The following MAP1LC3B2 variants were observed in gnomAD, a reference collection of about 807,000 sequenced individuals.
MAP1LC3B2 encodes the protein microtubule associated protein 1 light chain 3 beta 2.
For missense variants in MAP1LC3B2, 155 were observed against 154.6 expected (o/e 1.00, Z -0.01); for synonymous variants, 62 against 57.8 (o/e 1.07, Z -0.33).
rs200048902 is a variant in MAP1LC3B2 at position 116,576,054 on chromosome 12, T to A, written c.112T>A (p.Tyr38Asn). The A allele has an allele frequency of 4.3e-6, 7 of 1,614,226 alleles. No homozygotes were observed. The highest frequency in any genetic ancestry group is 5.9e-6 in the Non-Finnish European group (7 of 1,180,044). ...CAAAATCCCGGTGATAATAGAACGA[T>A]ACAAGGGTGAGAAGCAGCTTCCTGT... is the stretch of plus-strand genomic sequence containing the variant. ...PTKIPVIIERYKGEKQLPVLD... is the reference protein window; with the variant it reads ...PTKIPVIIERNKGEKQLPVLD... Residue 38 changes from tyrosine (Y) to asparagine (N), a missense_variant, in exon 2 of 2, where the codon TAC (tyrosine) becomes AAC (asparagine). Physicochemically the swap from Tyr to Asn is moderately radical, Grantham distance 143. Coordinates refer to ENST00000556529, the MANE Select transcript of MAP1LC3B2 (RefSeq NM_001085481.3).
intron 1 of MAP1LC3B2, among the ~76,000 whole-genome samples, chr12:116,563,775 C>T (rs1331048407): frequency 3.3e-5 from 5 of 152,100 alleles, no homozygotes; most frequent in Admixed American, 3.3e-4. Flanking sequence ...GCCCCTGACA[C>T]TCTGATTATT....
chr12:116,565,583 G>A (rs995877892), intron 1 of MAP1LC3B2, among the ~76,000 whole-genome samples: 7 of 152,144 alleles, frequency 4.6e-5, no homozygotes, highest in African/African-American at 9.7e-5. Context: ...ACCATATCAC[G>A]GGAGAACTAA....
intron 1 of MAP1LC3B2, among the ~76,000 whole-genome samples, chr12:116,571,892 G>GTT (rs1375306709): frequency 1.6e-5 from 2 of 123,438 alleles, no homozygotes; most frequent in African/African-American, 3.0e-5. Flanking sequence ...AGCAACTGTT[G>GTT]TTTTTTTTTT....
intron 1 of MAP1LC3B2, chr12:116,560,188 C>CCATATATATATATATATATATATATATA (rs1491120344): frequency 1.1e-5 from 1 of 88,444 alleles, no homozygotes; most frequent in African/African-American, 4.6e-5. Context: ...CTAAGTTTGG[C>CCATATATATATATATATATATATATATA]TATATATATA....
chr12:116,571,600 C>G (rs1024677749), intron 1 of MAP1LC3B2, among the ~76,000 whole-genome samples: 1 of 150,072 alleles, frequency 6.7e-6, no homozygotes, highest in Non-Finnish European at 1.5e-5. Flanking sequence ...CCTGCCTCAG[C>G]CTCCCGAGTA....
chr12:116,561,690 T>C lies in MAP1LC3B2; in HGVS notation c.-102+2257T>C, dbSNP rs556929109. Reference sequence around the variant, plus strand: ...GCCATTCACTGAGGCAGCTGGATCCTGGTTCTGCCCCTTACTAGCTGTGTG... The same window carrying C: ...GCCATTCACTGAGGCAGCTGGATCCCGGTTCTGCCCCTTACTAGCTGTGTG... On this transcript the variant is annotated intron_variant, in intron 1 of 1. Coordinates refer to ENST00000556529, the MANE Select transcript of MAP1LC3B2 (RefSeq NM_001085481.3). Among the ~76,000 whole-genome samples, 5 of 152,342 alleles carry C rather than the reference T, an allele frequency of 3.3e-5. No homozygotes were observed. In the East Asian group the frequency reaches 9.6e-4, roughly 29 times the overall value.
At chr12:116,571,915 C>G (rs1268844577) in intron 1 of MAP1LC3B2, among the ~76,000 whole-genome samples, 6 of 147,360 alleles carry the variant, frequency 4.1e-5, no homozygotes, top group Non-Finnish European at 8.9e-5. Context: ...ATGGTCATAG[C>G]TGTAGAAAAC....
intron 1 of MAP1LC3B2, among the ~76,000 whole-genome samples, chr12:116,573,557 G>A (rs766638999): frequency 5.3e-5 from 8 of 151,532 alleles, no homozygotes; most frequent in Non-Finnish European, 1.0e-4. Flanking sequence ...TCGCTCTGTC[G>A]CCAGGCTAGA....
At chr12:116,560,288 G>A (rs568771771) in intron 1 of MAP1LC3B2, among the ~76,000 whole-genome samples, 12 of 143,116 alleles carry the variant, frequency 8.4e-5, no homozygotes, top group African/African-American at 2.3e-4. Flanking sequence ...TTCCTCTGTC[G>A]CCCAGGCTGG....
At chr12:116,571,519 C>T (rs1361265288) in intron 1 of MAP1LC3B2, among the ~76,000 whole-genome samples, 6 of 106,488 alleles carry the variant, frequency 5.6e-5, no homozygotes, top group Non-Finnish European at 1.0e-4. Flanking sequence ...CTCATTCTGT[C>T]GCCCAGGCTG....
chr12:116,564,167 T>G (rs1869334371), intron 1 of MAP1LC3B2, among the ~76,000 whole-genome samples: 1 of 152,364 alleles, frequency 6.6e-6, no homozygotes, highest in Admixed American at 6.5e-5. Flanking sequence ...TAATAACTTT[T>G]AAAATCTTTG....
At chr12:116,570,284 A>G (rs1231577898) in intron 1 of MAP1LC3B2, among the ~76,000 whole-genome samples, 1 of 152,192 alleles carries the variant, frequency 6.6e-6, no homozygotes, top group Non-Finnish European at 1.5e-5. Flanking sequence ...TACTTCAAGT[A>G]CCCATACAGC....
At chr12:116,560,057 G>C (rs1453477169) in intron 1 of MAP1LC3B2, 2 of 149,248 alleles carry the variant, frequency 1.3e-5, no homozygotes, top group Non-Finnish European at 3.0e-5. Context: ...AACAATAGGA[G>C]ACACTGTCAA....
At chr12:116,572,025 G>A (rs12306090) in intron 1 of MAP1LC3B2, among the ~76,000 whole-genome samples, 101,915 of 151,042 alleles carry the variant, frequency 0.67, 35,353 homozygotes, top group African/African-American at 0.75. Context: ...AGGAAAAGAA[G>A]GGTGTGATTG....
Position 116,560,238 on chromosome 12 carries a change from A to ATATG in MAP1LC3B2, c.-102+813_-102+816dup, listed in dbSNP as rs1566022614. Reference sequence around the variant, plus strand: ...TATATATATATATATATATATATATATATGTATGTATATGTATATATATAT... The same window carrying ATATG: ...TATATATATATATATATATATATATATATGTATGTATGTATATGTATATATATAT... On this transcript the variant is annotated intron_variant, in intron 1 of 1. Coordinates refer to ENST00000556529, the MANE Select transcript of MAP1LC3B2 (RefSeq NM_001085481.3). 2.9e-3 allele frequency among the ~76,000 whole-genome samples: 305 copies of ATATG among 106,260 alleles called. 16 individuals are homozygous for ATATG. Among genetic ancestry groups the ATATG allele is most frequent in the Non-Finnish European group, 4.0e-3 (204 of 51,540 alleles). The allele number at this position is 106,260 out of a possible 152,430, so 69.7% of individuals were successfully genotyped here. A position where few individuals can be genotyped will look rare whatever the true frequency, so the allele number is the denominator to read the frequency against.
rs1869680844 is a variant in MAP1LC3B2, at chr12:116,576,276, G to A, written c.334G>A (p.Val112Ile). 1 of 1,614,128 alleles carries A rather than the reference G, an allele frequency of 6.2e-7. No individual in the cohort carries two copies. Among genetic ancestry groups the A allele is most frequent in the Non-Finnish European group, 8.5e-7 (1 of 1,180,034 alleles). The change falls in exon 2 of 2, where the codon GTC becomes ATC. Residue 112 changes from valine to isoleucine, a missense_variant. Physicochemically the swap from Val to Ile is conservative, Grantham distance 29. Transcript: ENST00000556529. Reference sequence around the variant, plus strand: ...AGATGAAGATGGATTCCTGTACATGGTCTGTGCCTCCCAGGAGACGTTCGG... The same window carrying A: ...AGATGAAGATGGATTCCTGTACATGATCTGTGCCTCCCAGGAGACGTTCGG... Reference protein sequence around the residue: ...EKDEDGFLYMVCASQETFGMK... With the variant: ...EKDEDGFLYMICASQETFGMK...
At chr12:116,560,907 AG>A (rs1869256641) in intron 1 of MAP1LC3B2, among the ~76,000 whole-genome samples, 1 of 151,664 alleles carries the variant, frequency 6.6e-6, no homozygotes, top group Non-Finnish European at 1.5e-5. Flanking sequence ...ACTTGAGGCC[AG>A]GAGTTCAAGA....
intron 1 of MAP1LC3B2, chr12:116,560,194 A>AGC: frequency 4.2e-4 from 1 of 2,368 alleles, no homozygotes; most frequent in South Asian, 0.016. Flanking sequence ...TTGGCTATAT[A>AGC]TATATATATA....
intron 1 of MAP1LC3B2, among the ~76,000 whole-genome samples, chr12:116,563,542 T>A (rs181124506): frequency 6.6e-6 from 1 of 152,332 alleles, no homozygotes; most frequent in East Asian, 1.9e-4. Flanking sequence ...AAGATTTTGG[T>A]CTTTATTGCT....
Sources: allele counts gnomAD v4.1 joint callset (sites outside exome capture counted in the v4.1 genomes callset), GRCh38; gene constraint gnomAD v4.1.1; transcripts MANE v1.5; gene names NCBI Gene and HGNC (gene_info 2026-07-23, HGNC 2026-07-21).